Variants in HAS3 observed in about 807,000 individuals in gnomAD.
HAS3 encodes the protein HA synthase 3.
A neutral mutation model predicts 50.3 loss-of-function variants in HAS3; 27 were observed. The observed-to-expected ratio is 0.54, with a 90% CI of 0.40 to 0.74. The LOEUF is 0.74. Ranked by LOEUF, HAS3 falls within the 30% of genes least tolerant of loss-of-function variation. The pLI is 0.00. For synonymous variants in HAS3, 339 were observed against 310.9 expected, an observed-to-expected ratio of 1.09 and a Z score of -0.95; for missense variants, 517 against 742.8, an observed-to-expected ratio of 0.70 and a Z score of 3.53.
chr16:69,116,550 T>C lies in HAS3; in HGVS notation c.*1284T>C. ...ACCATCCATTCTCCTCAGTGGCTTC[T>C]CCAGGGAATTCTTACAGCCAAGTTG... On this transcript the variant is annotated 3_prime_UTR_variant, in exon 4 of 4. Transcript: ENST00000569188. 1.0e-6 allele frequency: 1 copy of C among 985,752 alleles called. No homozygotes were observed. The highest frequency in any genetic ancestry group is 1.2e-6 in the Non-Finnish European group (1 of 829,858). 61.1% of individuals were successfully genotyped at this position (985,752 alleles called of 1,614,324 possible). A position where few individuals can be genotyped will look rare whatever the true frequency, so the allele number is the denominator to read the frequency against.
the HAS3 span, among the ~76,000 whole-genome samples, chr16:69,096,949 G>A: frequency 1.3e-5 from 2 of 152,030 alleles, no homozygotes; most frequent in East Asian, 3.9e-4. Flanking sequence ...TTGATCCCAG[G>A]AGTTCGAGAC....
Position 69,115,201 on chromosome 16 carries a change from G to T in HAS3, c.1597G>T (p.Ala533Ser). The change falls in exon 4 of 4, where the codon GCC (alanine) becomes TCC (serine). Residue 533 changes from alanine to serine, a missense_variant. Transcript: ENST00000569188. ...YWVALLMLYL[A>S]IIARRCGKKP... ...GGTGGCCCTCCTCATGCTATATCTG[G>T]CCATCATCGCCCGGCGATGTGGGAA... 1 of 1,557,250 alleles carries T rather than the reference G, an allele frequency of 6.4e-7. No individual in the cohort carries two copies. The highest frequency in any genetic ancestry group is 8.7e-7 in the Non-Finnish European group (1 of 1,152,368).
chr16:69,096,066 A>T, the HAS3 span, among the ~76,000 whole-genome samples: 9 of 150,898 alleles, frequency 6.0e-5, no homozygotes, highest in Admixed American at 5.3e-4. Context: ...AATACAAAAA[A>T]TTAGCCGGGC....
chr16:69,099,327 C>T, the HAS3 span, among the ~76,000 whole-genome samples: 1 of 149,242 alleles, frequency 6.7e-6, no homozygotes, highest in African/African-American at 2.5e-5. Flanking sequence ...TTCTCACCTG[C>T]CTTTAATTCA....
chr16:69,113,672 C>G (rs1254334564), intron 3 of HAS3, 130 bp downstream of exon 3: 10 of 612,380 alleles, frequency 1.6e-5, no homozygotes, highest in Non-Finnish European at 2.6e-5. Flanking sequence ...GCAGTTTTCA[C>G]TGACACCAAA....
Position 69,115,831 on chromosome 16 carries a change from C to G in HAS3, c.*565C>G. On this transcript the variant is annotated 3_prime_UTR_variant, in exon 4 of 4. Coordinates refer to ENST00000569188, the MANE Select transcript of HAS3 (RefSeq NM_001199280.2). Reference sequence around the variant, plus strand: ...CAGAAAACAGGGTCCAGGAATGGTGCTTTATGTGAGATACCCCACTCCACA... The same window carrying G: ...CAGAAAACAGGGTCCAGGAATGGTGGTTTATGTGAGATACCCCACTCCACA... 1.0e-6 allele frequency: 1 copy of G among 985,874 alleles called. No homozygotes were observed. The highest frequency in any genetic ancestry group is 1.2e-6 in the Non-Finnish European group (1 of 829,998). The allele number at this position is 985,874 out of a possible 1,614,324, so 61.1% of individuals were successfully genotyped here.
the HAS3 span, among the ~76,000 whole-genome samples, chr16:69,099,661 A>T: frequency 6.6e-6 from 1 of 152,230 alleles, no homozygotes; most frequent in Admixed American, 6.5e-5. Context: ...AACAACATAA[A>T]TGCAGGTATG....
chr16:69,117,057 G>T lies in HAS3; in HGVS notation c.*1791G>T, dbSNP rs571377597. The T allele has an allele frequency of 1.0e-6, 1 of 985,598 alleles. No homozygotes were observed. Among genetic ancestry groups the T allele is most frequent in the East Asian group, 1.1e-4 (1 of 8,818 alleles). 61.1% of individuals were successfully genotyped at this position (985,598 alleles called of 1,614,324 possible). ...CACATCACACAGACCTCGAGTTTCT[G>T]GTAAGACTGCTGGTTGACATCAGAC... On this transcript the variant is annotated 3_prime_UTR_variant, in exon 4 of 4. Coordinates refer to ENST00000569188, the MANE Select transcript of HAS3 (RefSeq NM_001199280.2).
chr16:69,085,541 A>G, the HAS3 span, among the ~76,000 whole-genome samples: 1 of 151,762 alleles, frequency 6.6e-6, no homozygotes, highest in Non-Finnish European at 1.5e-5. Flanking sequence ...CTGGGATTAC[A>G]GGTATGTGCC....
chr16:69,099,280 C>T, the HAS3 span, among the ~76,000 whole-genome samples: 1 of 151,102 alleles, frequency 6.6e-6, no homozygotes, highest in Admixed American at 6.6e-5. Flanking sequence ...CAAACCTGAT[C>T]TTAATGATCA....
chr16:69,087,555 C>CT, the HAS3 span, among the ~76,000 whole-genome samples: 2,450 of 149,152 alleles, frequency 0.016, 25 homozygotes, highest in Non-Finnish European at 0.025. Context: ...TTTGTTGTTG[C>CT]TTTTTTTTTT....
upstream of HAS3, among the ~76,000 whole-genome samples, chr16:69,101,788 C>CT (rs35588789): frequency 3.7e-3 from 438 of 118,362 alleles, 1 homozygote; most frequent in South Asian, 9.3e-3. Context: ...TACTTGTACT[C>CT]TTTTTTTTTT....
rs1961212395 is a variant in HAS3, at chr16:69,117,000, T to G, written c.*1734T>G. 1 of 985,412 alleles carries G rather than the reference T, an allele frequency of 1.0e-6. No individual in the cohort carries two copies. The highest frequency in any genetic ancestry group is 1.7e-5 in the African/African-American group (1 of 57,328). 61.0% of individuals were successfully genotyped at this position (985,412 alleles called of 1,614,324 possible). On this transcript the variant is annotated 3_prime_UTR_variant, in exon 4 of 4. Transcript: ENST00000569188. Reference sequence around the variant, plus strand: ...GTGCTTTCCTTCATCTCCCACGAACTCAAGGGTTTTCCAGGTGTAGCTAAC... The same window carrying G: ...GTGCTTTCCTTCATCTCCCACGAACGCAAGGGTTTTCCAGGTGTAGCTAAC...
Position 69,109,914 on chromosome 16 carries a change from T to C in HAS3, c.519T>C (p.Arg173=), listed in dbSNP as rs766743263. The C allele has an allele frequency of 9.3e-6, 15 of 1,614,036 alleles. No homozygotes were observed. Among genetic ancestry groups the C allele is most frequent in the Non-Finnish European group, 1.2e-5 (14 of 1,180,006 alleles). Residue 173 remains arginine, a synonymous_variant, in exon 2 of 4, where the codon CGT becomes CGC. Transcript: ENST00000569188. This position sits in a 1 kb window ranked among gnomAD's most constrained non-coding sequence, Gnocchi z 5.3. Reference sequence around the variant, plus strand: ...CCAGCCTGCAGGAGGGCATGGACCGTGTGCGGGATGTGGTGCGGGCCAGCA... The same window carrying C: ...CCAGCCTGCAGGAGGGCATGGACCGCGTGCGGGATGTGGTGCGGGCCAGCA... ...TEASLQEGMD[R]VRDVVRASTF... is the part of the protein sequence containing the mutation.
rs1318817233 is a variant in HAS3 at position 69,109,306 on chromosome 16, T to C, written c.1-90T>C. The stretch of plus-strand genomic sequence containing the variant: ...GGTAACGGTTTTGATCAGTGGGTCA[T>C]GTCCACTAGTAACAGAGAACACCCA... On this transcript the variant is annotated intron_variant, in intron 1 of 3. Transcript: ENST00000569188. The surrounding 1 kb of genome is among the most constrained non-coding windows in gnomAD (Gnocchi z 5.3). 8 of 1,310,828 alleles carry C rather than the reference T, an allele frequency of 6.1e-6. No homozygotes were observed. The highest frequency in any genetic ancestry group is 2.9e-5 in the African/African-American group (2 of 68,472). The allele number at this position is 1,310,828 out of a possible 1,614,324, so 81.2% of individuals were successfully genotyped here. A position where few individuals can be genotyped will look rare whatever the true frequency, so the allele number is the denominator to read the frequency against.
In HAS3 at chr16:69,109,622, C is replaced by T; in HGVS notation, c.227C>T (p.Ala76Val). The change falls in exon 2 of 4, where the codon GCC becomes GTC. Residue 76 changes from alanine (A) to valine (V), a missense_variant. Transcript: ENST00000569188. This position sits in a 1 kb window ranked among gnomAD's most constrained non-coding sequence, Gnocchi z 5.3. ...EHRRMRRAGQ[A>V]LKLPSPRRGS... ...CGGCGCATGCGACGTGCCGGCCAGG[C>T]CCTGAAGCTGCCCTCCCCGCGGCGG... 2 of 1,611,712 alleles carry T rather than the reference C, an allele frequency of 1.2e-6. No individual in the cohort carries two copies. The highest frequency in any genetic ancestry group is 1.7e-4 in the Middle Eastern group (1 of 6,056).
Position 69,107,023 on chromosome 16 carries a change from A to T in HAS3, c.-1+1236A>T, listed in dbSNP as rs1461235075. The T allele has an allele frequency of 6.6e-6, 1 of 152,218 alleles. No homozygotes were observed. Among genetic ancestry groups the T allele is most frequent in the African/African-American group, 2.4e-5 (1 of 41,432 alleles). The allele number at this position is 152,218 out of a possible 1,614,324, so 9.4% of individuals were successfully genotyped here. On this transcript the variant is annotated intron_variant, in intron 1 of 3. Transcript: ENST00000569188. This position sits in a 1 kb window ranked among gnomAD's most constrained non-coding sequence, Gnocchi z 5.5. ...GGGAGCCGGACTTGAGAGCGCCCCCAACCTTGTGCCCTTGAAAGCCGAGTG... is the reference window on the plus strand; with the variant it reads ...GGGAGCCGGACTTGAGAGCGCCCCCTACCTTGTGCCCTTGAAAGCCGAGTG...
Position 69,109,881 on chromosome 16 carries a change from G to A in HAS3, c.486G>A (p.Glu162=). 1 of 1,613,880 alleles carries A rather than the reference G, an allele frequency of 6.2e-7. No homozygotes were observed. Among genetic ancestry groups the A allele is most frequent in the Non-Finnish European group, 8.5e-7 (1 of 1,180,038 alleles). The change falls in exon 2 of 4, where the codon GAG becomes GAA. Residue 162 remains glutamate (E), a synonymous_variant. Coordinates refer to ENST00000569188, the MANE Select transcript of HAS3 (RefSeq NM_001199280.2). This position sits in a 1 kb window ranked among gnomAD's most constrained non-coding sequence, Gnocchi z 5.3. The part of the protein sequence containing the change: ...RSNFHEAGEG[E]TEASLQEGMD... ...ACTTCCATGAGGCAGGCGAGGGTGAGACGGAGGCCAGCCTGCAGGAGGGCA... is the reference window on the plus strand; with the variant it reads ...ACTTCCATGAGGCAGGCGAGGGTGAAACGGAGGCCAGCCTGCAGGAGGGCA...
the HAS3 span, among the ~76,000 whole-genome samples, chr16:69,089,718 C>T: frequency 6.6e-6 from 1 of 152,136 alleles, no homozygotes; most frequent in Non-Finnish European, 1.5e-5. Context: ...GGAATGCAGA[C>T]CCCACCTTCG....
Sources: gnomAD v4.1 joint callset for allele counts (sites outside exome capture counted in the v4.1 genomes callset) on GRCh38, gnomAD v4.1.1 for gene constraint, Gnocchi (gnomAD v3.1) non-coding constraint, MANE v1.5 for transcripts, NCBI Gene and HGNC (gene_info 2026-07-23, HGNC 2026-07-21) for gene names.